Variants in PMM2 observed in about 807,000 individuals in gnomAD.
The protein encoded by PMM2 is mannose-6-phosphate isomerase.
In PMM2, 35 loss-of-function variants were observed where a neutral mutation model predicts 33.2. The ratio of observed to expected loss-of-function variants is 1.06; its 90% confidence interval spans 0.81 to 1.40. PMM2 has a LOEUF of 1.40. PMM2 is among the 40% of genes most tolerant of loss of function. The pLI, the probability that PMM2 is intolerant of heterozygous loss-of-function variation, is 0.00. For missense variants in PMM2, 386 were observed against 306.0 expected (o/e 1.26, Z -1.95); for synonymous variants, 153 against 114.7 (o/e 1.33, Z -2.13).
chr16:8,827,372 T>TTTTTTTTA (rs1344919824), intron 7 of PMM2, among the ~76,000 whole-genome samples: 1 of 151,016 alleles, frequency 6.6e-6, no homozygotes, highest in Non-Finnish European at 1.5e-5. Flanking sequence ...CACAAAGGCC[T>TTTTTTTTA]TTTTTTTATT....
intron 1 of PMM2, among the ~76,000 whole-genome samples, chr16:8,798,627 G>C (rs2060593295): frequency 6.6e-6 from 1 of 152,198 alleles, no homozygotes; most frequent in Admixed American, 6.5e-5. Flanking sequence ...GGTTATTACA[G>C]GCTGCCCGCT....
At chr16:8,813,260 C>T (rs986345190) in intron 7 of PMM2, among the ~76,000 whole-genome samples, 154 bp downstream of exon 7, 7 of 152,162 alleles carry the variant, frequency 4.6e-5, no homozygotes, top group Non-Finnish European at 1.0e-4. Flanking sequence ...GGTGATTGAG[C>T]CACCTTCCCC....
At chr16:8,797,992 G>T in intron 1 of PMM2, 44 bp downstream of exon 1, 1 of 1,555,872 alleles carries the variant, frequency 6.4e-7, no homozygotes, top group Non-Finnish European at 8.7e-7. Context: ...CGCGGAGCCC[G>T]TGCTGTTCCC....
chr16:8,808,952 A>G (rs991153280), intron 4 of PMM2: 1 of 152,222 alleles, frequency 6.6e-6, no homozygotes, highest in African/African-American at 2.4e-5. Context: ...AAAATAGGAG[A>G]GAGGATCCAG....
chr16:8,825,285 C>G (rs773904383), intron 7 of PMM2, among the ~76,000 whole-genome samples: 11 of 151,896 alleles, frequency 7.2e-5, no homozygotes, highest in Non-Finnish European at 1.6e-4. Context: ...CCCACCTCGG[C>G]CTCCCAAAGT....
At chr16:8,835,027 T>C in intron 7 of PMM2, among the ~76,000 whole-genome samples, 1 of 151,064 alleles carries the variant, frequency 6.6e-6, no homozygotes, top group Admixed American at 6.6e-5. Flanking sequence ...AAAGTAGATT[T>C]TGGAAGTTAC....
intron 7 of PMM2, among the ~76,000 whole-genome samples, chr16:8,831,159 TGAAC>T: frequency 6.6e-6 from 1 of 152,146 alleles, no homozygotes; most frequent in Admixed American, 6.5e-5. Flanking sequence ...AAAACAAAGT[TGAAC>T]TATAAACTGA....
In PMM2 at chr16:8,811,168, A is replaced by T; in HGVS notation, c.437A>T (p.Glu146Val). 6.4e-7 allele frequency: 1 copy of T among 1,556,824 alleles called. No individual in the cohort carries two copies. Among genetic ancestry groups the T allele is most frequent in the Non-Finnish European group, 8.7e-7 (1 of 1,143,300 alleles). ...CAAGAAGAACGCATTGAGTTCTACG[A>T]ACTCGATAAAGTACGTCTTTCTGAA... ...CSQEERIEFY[E>V]LDKKENIRQK... The change falls in exon 5 of 8, where the codon GAA becomes GTA. Residue 146 changes from glutamate to valine, a missense_variant. Coordinates refer to ENST00000268261, the MANE Select transcript of PMM2 (RefSeq NM_000303.3).
At chr16:8,801,125 G>C (rs1323001756) in intron 1 of PMM2, among the ~76,000 whole-genome samples, 1 of 152,206 alleles carries the variant, frequency 6.6e-6, no homozygotes, top group African/African-American at 2.4e-5. Context: ...GCATAGTGCT[G>C]AAAAACCAAA....
rs1390697198 is a variant in PMM2 at position 8,834,518 on chromosome 16, C to T, written c.640-13206C>T. Among the ~76,000 whole-genome samples the T allele has an allele frequency of 9.2e-5, 14 of 151,890 alleles. No homozygotes were observed. The East Asian group carries it at 1.8e-3, about 19-fold the overall frequency. ...TAAGAGGTATTTTAGTTACCTGACT[C>T]GGGGCATGTTGAGTGAAGCTAATTT... On this transcript the variant is annotated intron_variant, in intron 7 of 7. Coordinates refer to ENST00000268261, the MANE Select transcript of PMM2 (RefSeq NM_000303.3).
rs1596483862 is a variant in PMM2, at chr16:8,801,466, T to A, written c.67-333T>A. ...CTGGTGGATCTCCTGAACCCAGGAGTTCCAGACTGGCCTGGGCAACATGGC... is the reference window on the plus strand; with the variant it reads ...CTGGTGGATCTCCTGAACCCAGGAGATCCAGACTGGCCTGGGCAACATGGC... On this transcript the variant is annotated intron_variant, in intron 1 of 7. Coordinates refer to ENST00000268261, the MANE Select transcript of PMM2 (RefSeq NM_000303.3). Among the ~76,000 whole-genome samples the A allele has an allele frequency of 2.6e-5, 4 of 151,984 alleles. No homozygotes were observed. The East Asian group carries it at 7.7e-4, about 29-fold the overall frequency.
intron 7 of PMM2, chr16:8,842,241 A>T (rs905186706): frequency 6.6e-6 from 1 of 152,398 alleles, no homozygotes; most frequent in Admixed American, 6.5e-5. Context: ...TAGGTAACAG[A>T]TGAGGATGAA....
intron 7 of PMM2, among the ~76,000 whole-genome samples, chr16:8,823,601 T>G (rs1325892653): frequency 6.6e-6 from 1 of 152,218 alleles, no homozygotes; most frequent in Non-Finnish European, 1.5e-5. Context: ...AGGCTGTTTT[T>G]AAAATTGGCT....
chr16:8,840,752 C>T (rs1261758149), intron 7 of PMM2, among the ~76,000 whole-genome samples: 3 of 151,972 alleles, frequency 2.0e-5, no homozygotes, highest in Non-Finnish European at 4.4e-5. Flanking sequence ...TGCAGGCGGA[C>T]AGCAGTCGGG....
At chr16:8,812,842 C>G (rs2060684995) in intron 6 of PMM2, 149 bp from the exon 7 acceptor site, 1 of 674,276 alleles carries the variant, frequency 1.5e-6, no homozygotes, top group African/African-American at 1.8e-5. Flanking sequence ...AGAACCTATG[C>G]ATGAAGTAGT....
chr16:8,804,031 G>GTTTTTTGTTTTTTTT (rs778630854), intron 2 of PMM2, among the ~76,000 whole-genome samples: 30 of 87,466 alleles, frequency 3.4e-4, no homozygotes, highest in Non-Finnish European at 5.0e-4. Flanking sequence ...GGTTTTTTTT[G>GTTTTTTGTTTTTTTT]TTTTTTTTTT....
At chr16:8,804,378 C>T (rs1182700947) in intron 2 of PMM2, among the ~76,000 whole-genome samples, 5 of 152,030 alleles carry the variant, frequency 3.3e-5, no homozygotes, top group Non-Finnish European at 7.4e-5. Context: ...TTAGCCTGTC[C>T]CTCAGCAATT....
chr16:8,810,846 A>G (rs1024112493), intron 4 of PMM2: 17 of 572,138 alleles, frequency 3.0e-5, no homozygotes, highest in South Asian at 2.0e-5. Context: ...ATGCAATTAC[A>G]TTCCTTTTTC....
chr16:8,804,031 G>GTTTTTTTTTTTTTTTTTTTTTTTTTT lies in PMM2; in HGVS notation c.179-716_179-715insTTTTTTTTTTTTTTTTTTTTTTTTTT, dbSNP rs752484926. Among the ~76,000 whole-genome samples, 2 of 87,492 alleles carry GTTTTTTTTTTTTTTTTTTTTTTTTTT rather than the reference G, an allele frequency of 2.3e-5. 1 individual carries two copies. The highest frequency in any genetic ancestry group is 9.1e-5 in the African/African-American group (2 of 21,904). The allele number at this position is 87,492 out of a possible 152,430, so 57.4% of individuals were successfully genotyped here. ...GTTTTTTGTTTTTTGGGTTTTTTTT[G>GTTTTTTTTTTTTTTTTTTTTTTTTTT]TTTTTTTTTTTTTTTTTTTTGACGT... On this transcript the variant is annotated intron_variant, in intron 2 of 7. Transcript: ENST00000268261.
Sources: gnomAD v4.1 joint callset for allele counts (sites outside exome capture counted in the v4.1 genomes callset) on GRCh38, gnomAD v4.1.1 for gene constraint, MANE v1.5 for transcripts, NCBI Gene and HGNC (gene_info 2026-07-23, HGNC 2026-07-21) for gene names.